RFT1: variants seen among roughly 807,000 people sequenced by gnomAD.
RFT1 encodes the protein man(5)GlcNAc(2)-PP-dolichol translocation protein RFT1.
A neutral mutation model predicts 62.2 loss-of-function variants in RFT1; 43 were observed. The observed-to-expected ratio is 0.69, with a 90% CI of 0.54 to 0.89. The LOEUF (loss-of-function observed/expected upper bound fraction) is 0.89, where lower values mean the gene tolerates loss of function less well. RFT1 is among the 40% of genes least tolerant of loss of function. The pLI is 0.00. For synonymous variants in RFT1, 262 were observed against 264.6 expected (o/e 0.99, Z 0.10); for missense variants, 605 against 649.9 (o/e 0.93, Z 0.75).
At chr3:53,098,659 A>T (rs562020189) in intron 11 of RFT1, among the ~76,000 whole-genome samples, 1 of 151,996 alleles carries the variant, frequency 6.6e-6, no homozygotes, top group Non-Finnish European at 1.5e-5. Context: ...AAAATTAGCC[A>T]GGCATGGTGG....
intron 10 of RFT1, among the ~76,000 whole-genome samples, chr3:53,100,769 G>A (rs1192749963): frequency 6.6e-6 from 1 of 152,156 alleles, no homozygotes; most frequent in African/African-American, 2.4e-5. Context: ...CTTTGTCTCT[G>A]AGGTGGAGTG....
intron 6 of RFT1, among the ~76,000 whole-genome samples, chr3:53,115,016 C>G (rs1048417629): frequency 2.0e-5 from 3 of 152,176 alleles, no homozygotes; most frequent in Non-Finnish European, 4.4e-5. Context: ...TCCACCTATC[C>G]CAGTCACTCT....
chr3:53,106,740 A>G, intron 8 of RFT1, 79 bp downstream of exon 8: 1 of 1,065,328 alleles, frequency 9.4e-7, no homozygotes, highest in Non-Finnish European at 1.4e-6. Context: ...CTTTCATTAA[A>G]TATATCAGAG....
At chr3:53,126,224 T>C (rs776715520) in intron 1 of RFT1, among the ~76,000 whole-genome samples, 4 of 152,212 alleles carry the variant, frequency 2.6e-5, no homozygotes, top group East Asian at 1.9e-4. Context: ...AGGAAGGCAC[T>C]TGGAAGGCTC....
chr3:53,077,633 G>A, the RFT1 span: 1 of 152,240 alleles, frequency 6.6e-6, no homozygotes, highest in Non-Finnish European at 1.5e-5. Flanking sequence ...GGGAGGGCTG[G>A]GGCATCAGTG....
chr3:53,101,376 G>A (rs1417409703), intron 10 of RFT1, among the ~76,000 whole-genome samples: 1 of 152,176 alleles, frequency 6.6e-6, no homozygotes, highest in Non-Finnish European at 1.5e-5. Flanking sequence ...CCTGGCAGAA[G>A]CAGAGAAGAG....
At position 53,113,388 on chromosome 3, in the gene RFT1, G is replaced by A. The variant is rs1211365967; in HGVS notation, c.697-1480C>T. Among the ~76,000 whole-genome samples, 3 of 139,500 alleles carry A rather than the reference G, an allele frequency of 2.2e-5. No individual in the cohort carries two copies. In the East Asian group the frequency reaches 6.0e-4, roughly 28 times the overall value. The allele number at this position is 139,500 out of a possible 152,430, so 91.5% of individuals were successfully genotyped here. ...TTATCCAAAGTGATTACTTCTCAAT[G>A]GTAGGATTTCAGAGGGCTTTTTGGG... is the stretch of plus-strand genomic sequence containing the variant. On this transcript the variant is annotated intron_variant, in intron 6 of 12. Transcript: ENST00000296292.
chr3:53,125,382 T>C (rs1052417711), intron 2 of RFT1, among the ~76,000 whole-genome samples: 1 of 152,174 alleles, frequency 6.6e-6, no homozygotes. Flanking sequence ...AAGCTGAGTC[T>C]AAAAGACAAA....
intron 11 of RFT1, among the ~76,000 whole-genome samples, chr3:53,095,066 G>C (rs569784081): frequency 6.7e-6 from 1 of 150,216 alleles, no homozygotes; most frequent in Non-Finnish European, 1.5e-5. Flanking sequence ...AAGAGATCGA[G>C]ACCGTCCTGG....
chr3:53,103,610 C>T, intron 10 of RFT1: 1 of 361,690 alleles, frequency 2.8e-6, no homozygotes, highest in Non-Finnish European at 5.3e-6. Context: ...AGACTCATTA[C>T]CGTCTGCCCT....
Position 53,099,463 on chromosome 3 carries a change from A to T in RFT1, c.1126T>A (p.Cys376Ser). 6.2e-7 allele frequency: 1 copy of T among 1,614,070 alleles called. No individual in the cohort carries two copies. The highest frequency in any genetic ancestry group is 8.5e-7 in the Non-Finnish European group (1 of 1,179,956). ...ATGGCAAGCAGGAGAACATAGAGAC[A>T]GTAGGAACGCAGCAAAACAGGACCT... ...GSGPVLLRSYCLYVLLLAING... is the reference protein window; with the variant it reads ...GSGPVLLRSYSLYVLLLAING... The change falls in exon 11 of 13, where the codon TGT becomes AGT. Residue 376 changes from cysteine (C) to serine (S), a missense_variant. Coordinates refer to ENST00000296292, the MANE Select transcript of RFT1 (RefSeq NM_052859.4).
At chr3:53,122,587 T>A in intron 3 of RFT1, 24 bp from the exon 4 acceptor site, 2 of 1,455,814 alleles carry the variant, frequency 1.4e-6, no homozygotes, top group Non-Finnish European at 1.8e-6. Flanking sequence ...AAAAAATAAT[T>A]CACTAAATTT....
Position 53,110,601 on chromosome 3 carries a change from G to A in RFT1, c.775+1229C>T, listed in dbSNP as rs139810958. On this transcript the variant is annotated intron_variant, in intron 7 of 12. Coordinates refer to ENST00000296292, the MANE Select transcript of RFT1 (RefSeq NM_052859.4). ...TCCCTTATTCACAGATGGGGAAAGC[G>A]AGGCATAGGGGGAGTTGCTTTCTTT... 5.8e-4 allele frequency among the ~76,000 whole-genome samples: 88 copies of A among 152,310 alleles called. 1 individual carries two copies. The highest frequency in any genetic ancestry group is 2.0e-3 in the African/African-American group (85 of 41,560).
rs1701029951 is a variant in RFT1, at chr3:53,092,619, C to T, written c.1209-1G>A. The T allele has an allele frequency of 6.2e-7, 1 of 1,610,266 alleles. No individual in the cohort carries two copies. The highest frequency in any genetic ancestry group is 1.3e-5 in the African/African-American group (1 of 74,888). The stretch of plus-strand genomic sequence containing the variant: ...CAGGGCCAGCATCACAAAATTGTAC[C>T]TGGGGAGGAGACAGGAAAAGGAGGG... On this transcript the variant is annotated splice_acceptor_variant, in intron 11 of 12. Transcript: ENST00000296292. LOFTEE classifies it high-confidence loss of function.
At chr3:53,099,964 G>C (rs1701267298) in intron 10 of RFT1, among the ~76,000 whole-genome samples, 1 of 152,110 alleles carries the variant, frequency 6.6e-6, no homozygotes, top group African/African-American at 2.4e-5. Flanking sequence ...CTCCAGCCTG[G>C]GTGACAGAAC....
intron 6 of RFT1, among the ~76,000 whole-genome samples, chr3:53,112,496 C>A (rs1483072466): frequency 1.3e-5 from 2 of 152,178 alleles, no homozygotes; most frequent in East Asian, 3.8e-4. Context: ...AATCACAACA[C>A]TTTGGGAAGC....
chr3:53,105,630 A>T (rs1354183722), intron 9 of RFT1, 43 bp downstream of exon 9: 1 of 1,607,916 alleles, frequency 6.2e-7, no homozygotes, highest in Non-Finnish European at 8.5e-7. Context: ...CTTGCAATTA[A>T]AGGGAGAATT....
At chr3:53,102,892 T>C (rs1454844040) in intron 10 of RFT1, among the ~76,000 whole-genome samples, 6 of 152,246 alleles carry the variant, frequency 3.9e-5, no homozygotes, top group Non-Finnish European at 8.8e-5. Flanking sequence ...CATTAGAGGC[T>C]GCTCCTTGGT....
chr3:53,108,217 T>TC (rs901154888), intron 7 of RFT1, among the ~76,000 whole-genome samples: 37 of 148,876 alleles, frequency 2.5e-4, no homozygotes, highest in African/African-American at 8.7e-4. Flanking sequence ...CCCAGCACTT[T>TC]TTTTTTTTTG....
Sources: allele counts gnomAD v4.1 joint callset (sites outside exome capture counted in the v4.1 genomes callset), GRCh38; gene constraint gnomAD v4.1.1; transcripts MANE v1.5; gene names NCBI Gene and HGNC (gene_info 2026-07-23, HGNC 2026-07-21).